MARK3: variants seen among roughly 807,000 people sequenced by gnomAD.
MARK3 encodes MAP/microtubule affinity-regulating kinase 3.
In MARK3, 46 loss-of-function variants were observed where a neutral mutation model predicts 90.1. The observed-to-expected ratio is 0.51, with a 90% CI of 0.40 to 0.65. The LOEUF is 0.65. MARK3 is among the 30% of genes least tolerant of loss of function. MARK3 has a pLI of 0.00. For synonymous variants in MARK3, 321 were observed against 332.6 expected (o/e 0.97, Z 0.38); for missense variants, 818 against 947.2 (o/e 0.86, Z 1.79).
chr14:103,468,794 T>C (rs943173739), intron 12 of MARK3, among the ~76,000 whole-genome samples: 3 of 151,462 alleles, frequency 2.0e-5, no homozygotes, highest in African/African-American at 7.3e-5. Context: ...TTTTCCTTTT[T>C]TTTTTTTTTT....
chr14:103,428,475 A>C, intron 3 of MARK3, 35 bp downstream of exon 3: 1 of 1,256,714 alleles, frequency 8.0e-7, no homozygotes, highest in Non-Finnish European at 1.1e-6. Flanking sequence ...CTTTTTAAAA[A>C]ATTATCGGTG....
chr14:103,477,850 G>A (rs1299889249), intron 13 of MARK3, among the ~76,000 whole-genome samples: 1 of 152,154 alleles, frequency 6.6e-6, no homozygotes, highest in Non-Finnish European at 1.5e-5. Flanking sequence ...AAATAGCTGA[G>A]CGTGATGATG....
chr14:103,498,836 G>A (rs1359070044), intron 16 of MARK3: 1 of 182,880 alleles, frequency 5.5e-6, no homozygotes, highest in African/African-American at 2.3e-5. Flanking sequence ...GCATGCTCCT[G>A]TTTGAAGAAT....
At chr14:103,475,242 G>T in intron 13 of MARK3, 32 bp downstream of exon 13, 1 of 1,594,872 alleles carries the variant, frequency 6.3e-7, no homozygotes, top group South Asian at 1.1e-5. Flanking sequence ...AGTGGTCTTA[G>T]GGTGGTAGGG....
Position 103,479,690 on chromosome 14 carries a change from T to G in MARK3, c.1483-697T>G, listed in dbSNP as rs148771778. ...TCTTGTTACACAGGCTGGAGTGCAA[T>G]GGTGCGATCTCAGCTCACCGCAACC... On this transcript the variant is annotated intron_variant, in intron 13 of 17. Transcript: ENST00000429436. 7.1e-3 allele frequency among the ~76,000 whole-genome samples: 908 copies of G among 128,258 alleles called. 8 individuals carry two copies. The highest frequency in any genetic ancestry group is 0.025 in the African/African-American group (866 of 34,516). 84.1% of individuals were successfully genotyped at this position (128,258 alleles called of 152,430 possible). A position where few individuals can be genotyped will look rare whatever the true frequency, so the allele number is the denominator to read the frequency against.
At chr14:103,443,863 G>A (rs2092924547) in intron 3 of MARK3, among the ~76,000 whole-genome samples, 1 of 152,018 alleles carries the variant, frequency 6.6e-6, no homozygotes, top group Non-Finnish European at 1.5e-5. Context: ...GGCCTTTGAT[G>A]CACTCTTCCA....
intron 2 of MARK3, among the ~76,000 whole-genome samples, chr14:103,409,306 G>A (rs1367399149): frequency 6.6e-6 from 1 of 151,896 alleles, no homozygotes; most frequent in African/African-American, 2.4e-5. Context: ...GGGGTGAGGG[G>A]CAAGGGGAGG....
chr14:103,445,369 G>A (rs2092968810), intron 3 of MARK3, among the ~76,000 whole-genome samples: 1 of 152,030 alleles, frequency 6.6e-6, no homozygotes, highest in African/African-American at 2.4e-5. Context: ...CTTCCTCCCT[G>A]TCCTGCTTGT....
chr14:103,461,853 G>A (rs1029704218), intron 6 of MARK3, among the ~76,000 whole-genome samples: 3 of 151,926 alleles, frequency 2.0e-5, no homozygotes, highest in Non-Finnish European at 2.9e-5. Flanking sequence ...CCTGGCCAAC[G>A]TGGTGAAACC....
chr14:103,389,684 C>G (rs548687992), intron 1 of MARK3, among the ~76,000 whole-genome samples: 1 of 152,030 alleles, frequency 6.6e-6, no homozygotes, highest in South Asian at 2.1e-4. Context: ...TGGCTCACGC[C>G]TGTAATCCCA....
At chr14:103,468,291 T>C in intron 12 of MARK3, 105 bp downstream of exon 12, 1 of 699,318 alleles carries the variant, frequency 1.4e-6, no homozygotes, top group Non-Finnish European at 2.2e-6. Context: ...TGTCCTTTCT[T>C]GGCATTGCTT....
At chr14:103,440,046 G>T (rs971817013) in intron 3 of MARK3, among the ~76,000 whole-genome samples, 28 of 152,120 alleles carry the variant, frequency 1.8e-4, no homozygotes, top group African/African-American at 6.3e-4. Context: ...CAGCTTCCCA[G>T]AGTGCTGGGA....
intron 17 of MARK3, among the ~76,000 whole-genome samples, 188 bp downstream of exon 17, chr14:103,500,388 C>A (rs1595969931): frequency 6.6e-6 from 1 of 152,198 alleles, no homozygotes; most frequent in East Asian, 1.9e-4. Flanking sequence ...GGCCTCCGCT[C>A]TACATTTGTG....
chr14:103,491,230 AT>A, intron 14 of MARK3: 1 of 653,886 alleles, frequency 1.5e-6, no homozygotes, highest in Non-Finnish European at 2.1e-6. Context: ...CCTCCATGTG[AT>A]TTTAGTTAAG....
chr14:103,416,424 G>A (rs2091945444), intron 2 of MARK3, among the ~76,000 whole-genome samples: 2 of 152,172 alleles, frequency 1.3e-5, no homozygotes, highest in Non-Finnish European at 2.9e-5. Flanking sequence ...ATAGGTGAGG[G>A]GATGGTGGAG....
intron 16 of MARK3, 30 bp downstream of exon 16, chr14:103,498,558 C>G: frequency 7.6e-7 from 1 of 1,320,920 alleles, no homozygotes; most frequent in Non-Finnish European, 9.7e-7. Flanking sequence ...ATTTATTTTT[C>G]AATCCTCACT....
rs554344429 is a variant in MARK3 at position 103,402,642 on chromosome 14, C to G, written c.52-2434C>G. ...TATTATTTCATCAATTTGACTGCCT[C>G]ATTATAGAAAACACATATTGAAGTC... On this transcript the variant is annotated intron_variant, in intron 1 of 17. Transcript: ENST00000429436. Among the ~76,000 whole-genome samples, 3 of 152,068 alleles carry G rather than the reference C, an allele frequency of 2.0e-5. No homozygotes were observed. In the South Asian group the frequency reaches 6.2e-4, roughly 32 times the overall value.
At chr14:103,454,166 C>T (rs2093221358) in intron 5 of MARK3, among the ~76,000 whole-genome samples, 1 of 152,116 alleles carries the variant, frequency 6.6e-6, no homozygotes, top group Non-Finnish European at 1.5e-5. Context: ...GCATAGGAAC[C>T]CCCTCTGAGG....
intron 17 of MARK3, among the ~76,000 whole-genome samples, chr14:103,501,377 A>G (rs1002863058): frequency 3.3e-5 from 5 of 152,174 alleles, no homozygotes; most frequent in African/African-American, 1.2e-4. Flanking sequence ...GTGGGCATCA[A>G]GTAAGTTGGG....
Sources: allele counts gnomAD v4.1 joint callset (sites outside exome capture counted in the v4.1 genomes callset), GRCh38; gene constraint gnomAD v4.1.1; transcripts MANE v1.5; gene names NCBI Gene and HGNC (gene_info 2026-07-23, HGNC 2026-07-21).